THAP1: variants seen among roughly 807,000 people sequenced by gnomAD.
THAP1 encodes THAP domain-containing protein 1.
Under a neutral mutation model 18.2 loss-of-function variants are expected in THAP1, and 6 were observed. That is an observed-to-expected ratio of 0.33 (90% CI 0.18 to 0.65). The LOEUF (loss-of-function observed/expected upper bound fraction) is 0.65, where lower values mean the gene tolerates loss of function less well. Among genes scored for constraint, THAP1 ranks in the 30% least tolerant of loss-of-function variants. The pLI is 0.74. For synonymous variants in THAP1, 85 were observed against 90.5 expected (o/e 0.94, Z 0.34); for missense variants, 176 against 253.0 (o/e 0.70, Z 2.06).
chr8:42,838,322 CAGA>C lies in THAP1; in HGVS notation c.279_281del (p.Leu94del). 1.9e-6 allele frequency: 3 copies of C among 1,613,860 alleles called. No homozygotes were observed. Among genetic ancestry groups the C allele is most frequent in the African/African-American group, 2.7e-5 (2 of 75,006 alleles). On this transcript the variant is annotated inframe_deletion, in exon 3 of 3. Coordinates refer to ENST00000254250, the MANE Select transcript of THAP1 (RefSeq NM_018105.3). ...GTGGGGGAAGCTGTTCCTGTGGCTC[CAGA>C]AGATCTTCTTTCTAAAACAAAAATA...
intron 2 of THAP1, among the ~76,000 whole-genome samples, chr8:42,838,694 T>C (rs1266213147): frequency 4.6e-5 from 7 of 151,914 alleles, no homozygotes. Context: ...AAAAAATAAA[T>C]AAATAAATAA....
At chr8:42,838,974 A>C (rs1253892388) in intron 2 of THAP1, among the ~76,000 whole-genome samples, 1 of 152,216 alleles carries the variant, frequency 6.6e-6, no homozygotes, top group Non-Finnish European at 1.5e-5. Flanking sequence ...AGTGGTTTTT[A>C]ACTAAGTTAC....
At chr8:42,842,425 G>A (rs1267206464) in intron 1 of THAP1, 1 of 152,138 alleles carries the variant, frequency 6.6e-6, no homozygotes, top group African/African-American at 2.4e-5. Flanking sequence ...TATGATCCAT[G>A]TTGTAACTGT....
intron 1 of THAP1, 33 bp downstream of exon 1, chr8:42,842,991 A>G: frequency 6.3e-7 from 1 of 1,576,782 alleles, no homozygotes. Flanking sequence ...ACCCCGGCTG[A>G]GACCGGCCCC....
chr8:42,838,651 C>A (rs182651293), intron 2 of THAP1, among the ~76,000 whole-genome samples: 178 of 152,166 alleles, frequency 1.2e-3, no homozygotes, highest in African/African-American at 4.2e-3. Context: ...CATGTCACTG[C>A]ACTCCAGCCT....
At chr8:42,838,816 T>C (rs944127243) in intron 2 of THAP1, among the ~76,000 whole-genome samples, 1 of 152,206 alleles carries the variant, frequency 6.6e-6, no homozygotes, top group Non-Finnish European at 1.5e-5. Flanking sequence ...CTTTTCTACC[T>C]GAAGTAGAGG....
intron 1 of THAP1, 189 bp downstream of exon 1, chr8:42,842,835 G>C: frequency 3.8e-6 from 1 of 261,954 alleles, no homozygotes; most frequent in Non-Finnish European, 6.4e-6. Context: ...CTGCCGCGGC[G>C]ACGCGCGCCG....
rs1802761215 is a variant in THAP1, at chr8:42,843,187, C to T, written c.-93G>A. The stretch of plus-strand genomic sequence containing the variant: ...TGCGCTCGGTTGGATTCCCTCGCTT[C>T]TTTTGTAGCTTTGGCCAACAGTTAC... On this transcript the variant is annotated 5_prime_UTR_variant, in exon 1 of 3. Coordinates refer to ENST00000254250, the MANE Select transcript of THAP1 (RefSeq NM_018105.3). 2 of 1,498,702 alleles carry T rather than the reference C, an allele frequency of 1.3e-6. No individual in the cohort carries two copies. The highest frequency in any genetic ancestry group is 2.3e-5 in the South Asian group (2 of 88,700). The allele number at this position is 1,498,702 out of a possible 1,614,324, so 92.8% of individuals were successfully genotyped here.
intron 1 of THAP1, among the ~76,000 whole-genome samples, chr8:42,839,651 G>GA (rs1257883057): frequency 1.3e-5 from 2 of 152,072 alleles, no homozygotes; most frequent in East Asian, 3.9e-4. Context: ...AGGTTCAAGC[G>GA]ATTCTCCTGC....
intron 2 of THAP1, 146 bp from the exon 3 acceptor site, chr8:42,838,482 T>C: frequency 9.6e-7 from 1 of 1,039,236 alleles, no homozygotes; most frequent in Non-Finnish European, 1.4e-6. Flanking sequence ...AGGTCAGGAG[T>C]TTGAGACCAG....
chr8:42,843,256 G>T lies in THAP1; in HGVS notation c.-162C>A. Reference sequence around the variant, plus strand: ...CGGGGGTGACTAGTGTGCCCGTTTTGTTGTTTGCATTAGCAGAAGGACCAC... The same window carrying T: ...CGGGGGTGACTAGTGTGCCCGTTTTTTTGTTTGCATTAGCAGAAGGACCAC... On this transcript the variant is annotated 5_prime_UTR_variant, in exon 1 of 3. Transcript: ENST00000254250. 1 of 813,520 alleles carries T rather than the reference G, an allele frequency of 1.2e-6. No individual in the cohort carries two copies. Among genetic ancestry groups the T allele is most frequent in the South Asian group, 1.4e-5 (1 of 70,902 alleles). The allele number at this position is 813,520 out of a possible 1,614,324, so 50.4% of individuals were successfully genotyped here.
chr8:42,837,878 T>A lies in THAP1; in HGVS notation c.*84A>T. ...TGTTTTTATATAAGTAATCAAATGT[T>A]ATTTTTTTAAATGAAACTCCTTTAC... On this transcript the variant is annotated 3_prime_UTR_variant, in exon 3 of 3. Coordinates refer to ENST00000254250, the MANE Select transcript of THAP1 (RefSeq NM_018105.3). The A allele has an allele frequency of 6.8e-7, 1 of 1,474,224 alleles. No homozygotes were observed. Among genetic ancestry groups the A allele is most frequent in the Non-Finnish European group, 9.1e-7 (1 of 1,093,652 alleles). 91.3% of individuals were successfully genotyped at this position (1,474,224 alleles called of 1,614,324 possible).
In THAP1 at chr8:42,839,306, C is replaced by T. The variant is rs1411165028; in HGVS notation, c.147G>A (p.Lys49=). The T allele has an allele frequency of 1.2e-6, 2 of 1,614,060 alleles. No homozygotes were observed. The highest frequency in any genetic ancestry group is 2.2e-5 in the South Asian group (2 of 91,086). ...AVRRKNFKPT[K]YSSICSEHFT... The stretch of plus-strand genomic sequence containing the variant: ...AGTGCTCTGAACAAATACTGCTATA[C>T]TTGGTGGGTTTAAAGTTTTTTCTTC... Residue 49 remains lysine, a synonymous_variant, in exon 2 of 3, where the codon AAG becomes AAA. Transcript: ENST00000254250.
At chr8:42,839,519 G>T in intron 1 of THAP1, 138 bp from the exon 2 acceptor site, 1 of 898,348 alleles carries the variant, frequency 1.1e-6, no homozygotes, top group Non-Finnish European at 1.7e-6. Context: ...TTAAAGATTA[G>T]CTCTAGTTAT....
In THAP1 at chr8:42,837,872, A is replaced by C. The variant is rs1802644186; in HGVS notation, c.*90T>G. 6 of 1,423,390 alleles carry C rather than the reference A, an allele frequency of 4.2e-6. No individual in the cohort carries two copies. The highest frequency in any genetic ancestry group is 5.7e-6 in the Non-Finnish European group (6 of 1,049,908). 88.2% of individuals were successfully genotyped at this position (1,423,390 alleles called of 1,614,324 possible). On this transcript the variant is annotated 3_prime_UTR_variant, in exon 3 of 3. Coordinates refer to ENST00000254250, the MANE Select transcript of THAP1 (RefSeq NM_018105.3). ...CTGAACTGTTTTTATATAAGTAATC[A>C]AATGTTATTTTTTTAAATGAAACTC...
At chr8:42,842,192 C>T (rs777995692) in intron 1 of THAP1, among the ~76,000 whole-genome samples, 8 of 152,148 alleles carry the variant, frequency 5.3e-5, no homozygotes, top group Non-Finnish European at 4.4e-5. Flanking sequence ...ACAAATTCAG[C>T]TGAATGAAAA....
Position 42,843,304 on chromosome 8 carries a change from C to T in THAP1, c.-210G>A. On this transcript the variant is annotated 5_prime_UTR_variant, in exon 1 of 3. Coordinates refer to ENST00000254250, the MANE Select transcript of THAP1 (RefSeq NM_018105.3). ...CACAGCCATCGCCCGTCTCCCATCT[C>T]CAAGATGGCGGAGGCAGCTTCAACC... The T allele has an allele frequency of 1.6e-6, 1 of 629,886 alleles. No homozygotes were observed. Among genetic ancestry groups the T allele is most frequent in the Non-Finnish European group, 2.9e-6 (1 of 348,482 alleles). 39.0% of individuals were successfully genotyped at this position (629,886 alleles called of 1,614,324 possible).
At position 42,841,823 on chromosome 8, in the gene THAP1, C is replaced by CT. The variant is rs778247877; in HGVS notation, c.71+1200dup. Among the ~76,000 whole-genome samples, 3 of 152,232 alleles carry CT rather than the reference C, an allele frequency of 2.0e-5. 1 individual carries two copies. Among genetic ancestry groups the CT allele is most frequent in the South Asian group, 4.1e-4 (2 of 4,820 alleles). Reference sequence around the variant, plus strand: ...ATTAGGATATCCTGAACTGAATCCTCTAAGTGTTCTATCCCCTTCTCCAAG... The same window carrying CT: ...ATTAGGATATCCTGAACTGAATCCTCTTAAGTGTTCTATCCCCTTCTCCAAG... On this transcript the variant is annotated intron_variant, in intron 1 of 2. Coordinates refer to ENST00000254250, the MANE Select transcript of THAP1 (RefSeq NM_018105.3).
At position 42,843,244 on chromosome 8, in the gene THAP1, T is replaced by C. The variant is rs1802762576; in HGVS notation, c.-150A>G. On this transcript the variant is annotated 5_prime_UTR_variant, in exon 1 of 3. Transcript: ENST00000254250. ...GGTGGCCTCCCTCGGGGGTGACTAG[T>C]GTGCCCGTTTTGTTGTTTGCATTAG... The C allele has an allele frequency of 1.1e-6, 1 of 887,268 alleles. No individual in the cohort carries two copies. Among genetic ancestry groups the C allele is most frequent in the Non-Finnish European group, 1.8e-6 (1 of 545,940 alleles). 55.0% of individuals were successfully genotyped at this position (887,268 alleles called of 1,614,324 possible).
Sources: allele counts gnomAD v4.1 joint callset (sites outside exome capture counted in the v4.1 genomes callset), GRCh38; gene constraint gnomAD v4.1.1; transcripts MANE v1.5; gene names NCBI Gene and HGNC (gene_info 2026-07-23, HGNC 2026-07-21).